IL17RC: variants seen among roughly 807,000 people sequenced by gnomAD.
The protein encoded by IL17RC is interleukin 17 receptor C, also known as interleukin-17 receptor C.
A neutral mutation model predicts 86.7 loss-of-function variants in IL17RC; 53 were observed. The observed-to-expected ratio is 0.61, with a 90% CI of 0.49 to 0.77. IL17RC has a LOEUF of 0.77. Ranked by LOEUF, IL17RC falls within the 30% of genes least tolerant of loss-of-function variation. The pLI is 0.00. For missense variants in IL17RC, 957 were observed against 940.0 expected (o/e 1.02, Z -0.24); for synonymous variants, 439 against 413.1 (o/e 1.06, Z -0.76).
chr3:9,932,969 C>T lies in IL17RC; in HGVS notation c.1539C>T (p.Arg513=). Reference sequence around the variant, plus strand: ...CTCCGGCAGCGGCCGCCAGGGGCCGCGCGGCTCTGCTCCTCTACTCAGCCG... The same window carrying T: ...CTCCGGCAGCGGCCGCCAGGGGCCGTGCGGCTCTGCTCCTCTACTCAGCCG... ...DVRSGAAARG[R]AALLLYSADD... Residue 513 remains arginine, a synonymous_variant, in exon 19 of 19, where the codon CGC becomes CGT. Transcript: ENST00000403601. 6.2e-7 allele frequency: 1 copy of T among 1,606,012 alleles called. No homozygotes were observed. The highest frequency in any genetic ancestry group is 1.1e-5 in the South Asian group (1 of 90,464).
chr3:9,923,830 GC>G (rs1489340101), intron 7 of IL17RC, 50 bp from the exon 8 acceptor site: 1 of 1,598,834 alleles, frequency 6.3e-7, no homozygotes, highest in Non-Finnish European at 8.6e-7. Context: ...AGTCGGGGAT[GC>G]AGAAGAGGTG....
In IL17RC at chr3:9,933,319, T is replaced by C. The variant is rs551190813; in HGVS notation, c.1889T>C (p.Val630Ala). The C allele has an allele frequency of 1.0e-5, 16 of 1,607,854 alleles. 2 individuals carry two copies. In the East Asian group the frequency reaches 2.5e-4, roughly 25 times the overall value. ...CAGGGCCGGGCGCCCGGCAGCTACG[T>C]GGGGGCCTGCTTCGACAGGCTGCTC... is the stretch of plus-strand genomic sequence containing the variant. ...FLQGRAPGSY[V>A]GACFDRLLHP... The change falls in exon 19 of 19, where the codon GTG (valine) becomes GCG (alanine). Residue 630 changes from valine to alanine, a missense_variant. Transcript: ENST00000403601.
At chr3:9,929,702 A>C (rs75629302) in intron 12 of IL17RC, 150 bp from the exon 13 acceptor site, 36,039 of 798,276 alleles carry the variant, frequency 0.045, 987 homozygotes, top group South Asian at 0.075. Flanking sequence ...GTGATTCCTA[A>C]TCACCCAGCC....
Position 9,928,081 on chromosome 3 carries a change from T to C in IL17RC, c.823-85T>C, listed in dbSNP as rs2084262862. On this transcript the variant is annotated intron_variant, in intron 9 of 18. Coordinates refer to ENST00000403601, the MANE Select transcript of IL17RC (RefSeq NM_153460.4). ...CAGCAAGTGTTTGTGAAATACCTGC[T>C]GAATGAGTGCATCCCCACTGTCCAG... The C allele has an allele frequency of 3.1e-6, 4 of 1,290,770 alleles. No homozygotes were observed. The African/African-American group carries it at 5.9e-5, about 19-fold the overall frequency. 80.0% of individuals were successfully genotyped at this position (1,290,770 alleles called of 1,614,324 possible). A position where few individuals can be genotyped will look rare whatever the true frequency, so the allele number is the denominator to read the frequency against.
At chr3:9,932,899 G>C in intron 18 of IL17RC, 41 bp downstream of exon 18, 1 of 1,597,142 alleles carries the variant, frequency 6.3e-7, no homozygotes, top group Non-Finnish European at 8.5e-7. Context: ...CGCCCCCGGG[G>C]AGCCAGGCCT....
At position 9,930,136 on chromosome 3, in the gene IL17RC, G is replaced by C; in HGVS notation, c.1265G>C (p.Ser422Thr). 1.2e-6 allele frequency: 2 copies of C among 1,614,080 alleles called. No individual in the cohort carries two copies. The highest frequency in any genetic ancestry group is 2.2e-5 in the South Asian group (2 of 91,080). ...LEPSGCTSLP[S>T]KASTRAARLG... ...CCCAGTGGCTGTACTTCACTACCCA[G>C]CAAAGCCTCCACGGTTAGGACTGGG... The change falls in exon 14 of 19, where the codon AGC (serine) becomes ACC (threonine). Residue 422 changes from serine to threonine, a missense_variant. Ser to Thr is a moderately conservative substitution (Grantham distance 58). Transcript: ENST00000403601. This position sits in a 1 kb window ranked among gnomAD's most constrained non-coding sequence, Gnocchi z 5.8.
chr3:9,923,339 G>T (rs1163941922), intron 7 of IL17RC, among the ~76,000 whole-genome samples: 1 of 151,920 alleles, frequency 6.6e-6, no homozygotes, highest in Non-Finnish European at 1.5e-5. Context: ...ATTGCTTGAG[G>T]TTAGGAGCTC....
chr3:9,928,357 C>A lies in IL17RC; in HGVS notation c.930C>A (p.Thr310=). Residue 310 remains threonine, a synonymous_variant, in exon 11 of 19, where the codon ACC becomes ACA. Transcript: ENST00000403601. Reference sequence around the variant, plus strand: ...AAGCCGCCCGACTGCAACTGCTGACCCTGCAGAGCTGGCTGCTGGACGCAC... The same window carrying A: ...AAGCCGCCCGACTGCAACTGCTGACACTGCAGAGCTGGCTGCTGGACGCAC... The part of the protein sequence containing the change: ...LWQAARLQLL[T]LQSWLLDAPC... 2 of 1,605,114 alleles carry A rather than the reference C, an allele frequency of 1.2e-6. No individual in the cohort carries two copies. The highest frequency in any genetic ancestry group is 2.2e-5 in the East Asian group (1 of 44,692).
chr3:9,928,057 A>G (rs2125247301), intron 9 of IL17RC, 109 bp from the exon 10 acceptor site: 2 of 1,035,222 alleles, frequency 1.9e-6, no homozygotes, highest in South Asian at 1.4e-5. Context: ...AGGAAGACCC[A>G]GCAAGTGTTT....
In IL17RC at chr3:9,933,572, TG is replaced by T; in HGVS notation, c.2146del (p.Ala716ArgfsTer7). The T allele has an allele frequency of 6.2e-7, 1 of 1,600,612 alleles. No homozygotes were observed. On this transcript the variant is annotated frameshift_variant, in exon 19 of 19. Coordinates refer to ENST00000403601, the MANE Select transcript of IL17RC (RefSeq NM_153460.4). LOFTEE classifies it high-confidence loss of function. Reference sequence around the variant, plus strand: ...GCGGGGTGGGACCAGGCGCGGGACCTGGGGCGGGGGACGGGACTTAAATAAA... The same window carrying T: ...GCGGGGTGGGACCAGGCGCGGGACCTGGGCGGGGGACGGGACTTAAATAAA... ...GRGVGPGAGPGAGDGT is the reference protein window; with the variant it reads ...GRGVGPGAGPXAGDGT
At chr3:9,929,967 G>A in intron 13 of IL17RC, 61 bp from the exon 14 acceptor site, 2 of 1,613,736 alleles carry the variant, frequency 1.2e-6, no homozygotes, top group South Asian at 1.1e-5. Flanking sequence ...ATGGGAGGCA[G>A]GCAAGTGGCC....
In IL17RC at chr3:9,918,519, C is replaced by T. The variant is rs201752793; in HGVS notation, c.375C>T (p.Val125=). The change falls in exon 5 of 19, where the codon GTC becomes GTT. Residue 125 remains valine (V), a synonymous_variant. Coordinates refer to ENST00000403601, the MANE Select transcript of IL17RC (RefSeq NM_153460.4). ...CCACAGCCTCTCTCCAGGCCCAAGT[C>T]GTGCTCTCCTTCCAGGCCTACCCTA... is the stretch of plus-strand genomic sequence containing the variant. ...EPRNASLQAQ[V]VLSFQAYPTA... 9.3e-6 allele frequency: 15 copies of T among 1,614,100 alleles called. No homozygotes were observed. The highest frequency in any genetic ancestry group is 2.2e-5 in the East Asian group (1 of 44,884).
rs1214568952 is a variant in IL17RC, at chr3:9,929,906, G to A, written c.1156+9G>A. On this transcript the variant is annotated intron_variant, in intron 13 of 18. Coordinates refer to ENST00000403601, the MANE Select transcript of IL17RC (RefSeq NM_153460.4). ...GGAGTGCTTGTGGGCTGGTGAGTTG[G>A]GCCTGGGGGCAGCTGGGGCAGGGCC... 3 of 1,613,986 alleles carry A rather than the reference G, an allele frequency of 1.9e-6. No homozygotes were observed. Among genetic ancestry groups the A allele is most frequent in the African/African-American group, 1.3e-5 (1 of 74,910 alleles).
chr3:9,931,470 C>CACACACACACACACACACACATAT (rs750351615), intron 16 of IL17RC, among the ~76,000 whole-genome samples: 20 of 43,732 alleles, frequency 4.6e-4, no homozygotes, highest in Admixed American at 8.7e-4. Context: ...CACACACACA[C>CACACACACACACACACACACATAT]ATATATATAT....
chr3:9,917,948 G>A lies in IL17RC; in HGVS notation c.153G>A (p.Gly51=), dbSNP rs148170215. 6,396 of 1,613,508 alleles carry A rather than the reference G, an allele frequency of 4.0e-3. 176 individuals are homozygous for A. The South Asian group carries it at 0.047, about 12-fold the overall frequency. The part of the protein sequence containing the change: ...LWDSDILCLP[G]DIVPAPGPVL... Reference sequence around the variant, plus strand: ...ACAGTGACATACTCTGCCTGCCTGGGGACATCGTGCCTGCTCCGGGCCCCG... The same window carrying A: ...ACAGTGACATACTCTGCCTGCCTGGAGACATCGTGCCTGCTCCGGGCCCCG... Residue 51 remains glycine, a synonymous_variant, in exon 3 of 19, where the codon GGG becomes GGA. Transcript: ENST00000403601.
intron 2 of IL17RC, 32 bp downstream of exon 2, chr3:9,917,766 C>T (rs1300005001): frequency 6.2e-7 from 1 of 1,613,360 alleles, no homozygotes; most frequent in African/African-American, 1.3e-5. Context: ...AAGAATTTCC[C>T]AGGTTGGCCG....
intron 7 of IL17RC, among the ~76,000 whole-genome samples, chr3:9,922,510 T>C (rs142899881): frequency 6.6e-6 from 1 of 152,360 alleles, no homozygotes; most frequent in Non-Finnish European, 1.5e-5. Flanking sequence ...TTGATTCATT[T>C]ATTCAACAGA....
At chr3:9,924,992 C>T (rs1158008204) in intron 9 of IL17RC, among the ~76,000 whole-genome samples, 8 of 151,382 alleles carry the variant, frequency 5.3e-5, no homozygotes, top group East Asian at 3.9e-4. Flanking sequence ...TGTGTAGAGA[C>T]GGGGTCTTGC....
intron 9 of IL17RC, among the ~76,000 whole-genome samples, chr3:9,924,892 C>T (rs1358486345): frequency 1.3e-5 from 2 of 152,144 alleles, no homozygotes; most frequent in African/African-American, 4.8e-5. Context: ...GCCTCAGCCC[C>T]ATGGGCTCAA....
Sources: allele counts gnomAD v4.1 joint callset (sites outside exome capture counted in the v4.1 genomes callset), GRCh38; gene constraint gnomAD v4.1.1; non-coding constraint Gnocchi (gnomAD v3.1); transcripts MANE v1.5; gene names NCBI Gene and HGNC (gene_info 2026-07-23, HGNC 2026-07-21).